Variants in STK38 observed in about 807,000 individuals in gnomAD.
STK38 encodes serine/threonine-protein kinase 38.
A neutral mutation model predicts 59.0 loss-of-function variants in STK38; 26 were observed. The ratio of observed to expected loss-of-function variants is 0.44; its 90% CI spans 0.32 to 0.61. The LOEUF (loss-of-function observed/expected upper bound fraction) is 0.61, where lower values mean the gene tolerates loss of function less well. Among genes scored for constraint, STK38 ranks in the 20% least tolerant of loss-of-function variants. The pLI, the probability that STK38 is intolerant of heterozygous loss-of-function variation, is 0.04. For synonymous variants in STK38, 175 were observed against 176.6 expected (o/e 0.99, Z 0.07); for missense variants, 433 against 566.0 (o/e 0.76, Z 2.38).
chr6:36,533,897 T>C (rs1275747406), intron 2 of STK38, among the ~76,000 whole-genome samples: 1 of 152,244 alleles, frequency 6.6e-6, no homozygotes, highest in Non-Finnish European at 1.5e-5. Flanking sequence ...CACGGGACAC[T>C]GTGCAGACAC....
At chr6:36,529,776 C>T (rs1336854920) in intron 2 of STK38, among the ~76,000 whole-genome samples, 3 of 152,190 alleles carry the variant, frequency 2.0e-5, no homozygotes, top group East Asian at 3.8e-4. Flanking sequence ...TGTGCAGACA[C>T]ATTCATGACT....
At chr6:36,533,065 CAAAA>C (rs751360605) in intron 2 of STK38, among the ~76,000 whole-genome samples, 1 of 50,348 alleles carries the variant, frequency 2.0e-5, no homozygotes. Context: ...GACTCCATCT[CAAAA>C]AAAAAAAAAA....
rs1776648266 is a variant in STK38, at chr6:36,494,334, TG to T, written c.*1449del. 2 of 152,694 alleles carry T rather than the reference TG, an allele frequency of 1.3e-5. No homozygotes were observed. The highest frequency in any genetic ancestry group is 2.4e-5 in the African/African-American group (1 of 41,470). 9.5% of individuals were successfully genotyped at this position (152,694 alleles called of 1,614,324 possible). A position where few individuals can be genotyped will look rare whatever the true frequency, so the allele number is the denominator to read the frequency against. ...AAGCTGATCTTCAGAACCTCAAGAC[TG>T]GCAGAAAGCAGGCTCCCAGCTGCAG... On this transcript the variant is annotated 3_prime_UTR_variant, in exon 14 of 14. Transcript: ENST00000229812.
At chr6:36,504,142 T>G (rs1582409270) in intron 9 of STK38, among the ~76,000 whole-genome samples, 1 of 152,372 alleles carries the variant, frequency 6.6e-6, no homozygotes, top group East Asian at 1.9e-4. Flanking sequence ...TCCTACTCAC[T>G]TCTGTAAATT....
intron 4 of STK38, among the ~76,000 whole-genome samples, chr6:36,524,033 G>C (rs765332166): frequency 6.6e-6 from 1 of 152,080 alleles, no homozygotes; most frequent in African/African-American, 2.4e-5. Flanking sequence ...ATGGGTTACT[G>C]TCCTGATTAT....
At chr6:36,531,340 T>G (rs894939600) in intron 2 of STK38, among the ~76,000 whole-genome samples, 1 of 151,944 alleles carries the variant, frequency 6.6e-6, no homozygotes, top group Admixed American at 6.6e-5. Flanking sequence ...TGTTTATGGT[T>G]TTAATTAATC....
intron 7 of STK38, among the ~76,000 whole-genome samples, chr6:36,512,111 A>G (rs1777125196): frequency 6.6e-6 from 1 of 152,184 alleles, no homozygotes; most frequent in Non-Finnish European, 1.5e-5. Context: ...ACTTTTTAAA[A>G]GCAGTTCCTG....
At position 36,524,421 on chromosome 6, in the gene STK38, ACT is replaced by A; in HGVS notation, c.224_225del (p.Glu75ValfsTer15). ...AGTCTTGTTCTCTTCAAACGAAGAA[ACT>A]CTGTTTCCTTCCGAGCATGTGCTGA... ...RRSAHARKETEFLRLKRTRLG... is the reference protein window; with the variant it reads ...RRSAHARKETXFLRLKRTRLG... On this transcript the variant is annotated frameshift_variant, in exon 4 of 14. Coordinates refer to ENST00000229812, the MANE Select transcript of STK38 (RefSeq NM_007271.4). LOFTEE classifies it high-confidence loss of function. The A allele has an allele frequency of 2.5e-6, 4 of 1,612,776 alleles. No individual in the cohort carries two copies. The highest frequency in any genetic ancestry group is 1.1e-5 in the South Asian group (1 of 90,782).
At chr6:36,531,157 A>G (rs1246691922) in intron 2 of STK38, among the ~76,000 whole-genome samples, 1 of 152,214 alleles carries the variant, frequency 6.6e-6, no homozygotes. Flanking sequence ...TAATAATCAC[A>G]TATTTCTACT....
chr6:36,508,910 C>G (rs1045384506), intron 7 of STK38, among the ~76,000 whole-genome samples: 7 of 152,206 alleles, frequency 4.6e-5, no homozygotes, highest in African/African-American at 1.7e-4. Flanking sequence ...CTGCTGTGGG[C>G]ACCTGCATCT....
chr6:36,497,966 AT>A, intron 11 of STK38, 91 bp from the exon 12 acceptor site: 1 of 837,794 alleles, frequency 1.2e-6, no homozygotes, highest in Middle Eastern at 2.3e-4. Context: ...TTGAGACAGC[AT>A]CTCACTCTGT....
chr6:36,516,092 C>T (rs1340836623), intron 6 of STK38, among the ~76,000 whole-genome samples: 1 of 152,174 alleles, frequency 6.6e-6, no homozygotes, highest in Non-Finnish European at 1.5e-5. Context: ...ATAACTGCCT[C>T]CTGGAAGAGT....
rs1442320562 is a variant in STK38 at position 36,537,058 on chromosome 6, G to GT, written c.131+3013_131+3014insA. ...AGGTCTGATATGTAGGACAAACAAA[G>GT]AACTCCTGCAACTCAATAATAAAGA... On this transcript the variant is annotated intron_variant, in intron 2 of 13. Transcript: ENST00000229812. 1.3e-4 allele frequency among the ~76,000 whole-genome samples: 19 copies of GT among 151,974 alleles called. 1 individual carries two copies.
intron 10 of STK38, 96 bp from the exon 11 acceptor site, chr6:36,498,582 CTTTTTTCTTTTTTTT>C (rs1776762804): frequency 1.9e-6 from 2 of 1,039,370 alleles, no homozygotes; most frequent in African/African-American, 1.7e-5. Flanking sequence ...CTTTTTTTTT[CTTTTTTCTTTTTTTT>C]TTTTTTTTGA....
chr6:36,496,897 A>T (rs1408420523), intron 12 of STK38, 92 bp from the exon 13 acceptor site: 1 of 828,430 alleles, frequency 1.2e-6, no homozygotes, highest in Non-Finnish European at 1.9e-6. Context: ...CCCTGGTCTG[A>T]CATGAGAAGA....
At chr6:36,542,045 G>A (rs984761601) in intron 1 of STK38, among the ~76,000 whole-genome samples, 1 of 151,884 alleles carries the variant, frequency 6.6e-6, no homozygotes, top group Non-Finnish European at 1.5e-5. Flanking sequence ...ACACTGGTCA[G>A]GCTGGTCTCA....
At chr6:36,539,051 C>G (rs1479746041) in intron 2 of STK38, among the ~76,000 whole-genome samples, 1 of 151,894 alleles carries the variant, frequency 6.6e-6, no homozygotes, top group Non-Finnish European at 1.5e-5. Context: ...TTCTGTACTT[C>G]TGAATACTTT....
At chr6:36,514,561 G>C (rs1034129322) in intron 7 of STK38, among the ~76,000 whole-genome samples, 2 of 152,154 alleles carry the variant, frequency 1.3e-5, no homozygotes, top group African/African-American at 4.8e-5. Context: ...AGGTGGTAAA[G>C]AGATTTGCCA....
At chr6:36,542,675 T>C (rs1166930836) in intron 1 of STK38, among the ~76,000 whole-genome samples, 2 of 151,860 alleles carry the variant, frequency 1.3e-5, no homozygotes, top group Non-Finnish European at 2.9e-5. Context: ...CTGAGCGCGG[T>C]GGCTCACGCC....
Sources: allele counts gnomAD v4.1 joint callset (sites outside exome capture counted in the v4.1 genomes callset), GRCh38; gene constraint gnomAD v4.1.1; transcripts MANE v1.5; gene names NCBI Gene and HGNC (gene_info 2026-07-23, HGNC 2026-07-21).